TTK: variants seen among roughly 807,000 people sequenced by gnomAD.
TTK encodes TTK protein kinase.
TTK carries 59 observed loss-of-function variants against 117.3 expected under a neutral mutation model. The observed-to-expected ratio is 0.50, with a 90% confidence interval of 0.41 to 0.62. TTK has a LOEUF of 0.62. Among genes scored for constraint, TTK ranks in the 20% least tolerant of loss-of-function variants. The pLI is 0.00. For missense variants in TTK, 921 were observed against 989.4 expected (o/e 0.93, Z 0.93); for synonymous variants, 302 against 325.0 (o/e 0.93, Z 0.76).
At chr6:80,006,617 A>G (rs1562009300) in intron 2 of TTK, among the ~76,000 whole-genome samples, 1 of 152,170 alleles carries the variant, frequency 6.6e-6, no homozygotes, top group Non-Finnish European at 1.5e-5. Flanking sequence ...CTACATTGTA[A>G]TGCATGCTGG....
chr6:80,027,294 G>A (rs530267135), intron 12 of TTK, among the ~76,000 whole-genome samples: 1 of 152,152 alleles, frequency 6.6e-6, no homozygotes, highest in South Asian at 2.1e-4. Context: ...TTTATTATAT[G>A]TAGAATATTC....
At chr6:80,009,747 T>C (rs1767093825) in intron 4 of TTK, among the ~76,000 whole-genome samples, 1 of 152,084 alleles carries the variant, frequency 6.6e-6, no homozygotes, top group Non-Finnish European at 1.5e-5. Flanking sequence ...TATGATTATT[T>C]TGAGCACAGT....
At chr6:80,028,329 A>AT (rs1273916027) in intron 13 of TTK, among the ~76,000 whole-genome samples, 1 of 107,816 alleles carries the variant, frequency 9.3e-6, no homozygotes, top group Non-Finnish European at 1.9e-5. Flanking sequence ...TTATTTATTT[A>AT]TTTTTTGAGA....
intron 3 of TTK, 99 bp from the exon 4 acceptor site, chr6:80,008,287 A>G (rs1438962612): frequency 8.3e-7 from 1 of 1,199,322 alleles, no homozygotes; most frequent in South Asian, 1.4e-5. Context: ...CACAGAAAAA[A>G]GCAATATCCC....
intron 14 of TTK, 130 bp downstream of exon 14, chr6:80,031,689 T>C: frequency 1.9e-6 from 1 of 532,076 alleles, no homozygotes; most frequent in South Asian, 3.5e-5. Context: ...CAAAAAGCCA[T>C]CTTAACACCT....
chr6:80,024,303 C>T (rs1582101633), intron 11 of TTK, among the ~76,000 whole-genome samples: 1 of 152,174 alleles, frequency 6.6e-6, no homozygotes, highest in East Asian at 1.9e-4. Context: ...AATATTTGTA[C>T]ATAAATATTC....
chr6:80,026,492 A>C lies in TTK; in HGVS notation c.1372A>C (p.Thr458Pro), dbSNP rs370218926. The C allele has an allele frequency of 1.2e-6, 2 of 1,613,662 alleles. No individual in the cohort carries two copies. The highest frequency in any genetic ancestry group is 2.7e-5 in the African/African-American group (2 of 74,890). ...KSICKTPSSN[T>P]LDDYMSCFRT... Reference sequence around the variant, plus strand: ...TATTTGTAAGACACCAAGCAGCAATACCTTGGATGATTACATGAGCTGGTA... The same window carrying C: ...TATTTGTAAGACACCAAGCAGCAATCCCTTGGATGATTACATGAGCTGGTA... Residue 458 changes from threonine (T) to proline (P), a missense_variant, in exon 12 of 22, where the codon ACC (threonine) becomes CCC (proline). Coordinates refer to ENST00000369798, the MANE Select transcript of TTK (RefSeq NM_003318.5).
In TTK at chr6:80,035,077, G is replaced by T; in HGVS notation, c.1707G>T (p.Arg569=). The change falls in exon 15 of 22, where the codon CGG becomes CGT. Residue 569 remains arginine (R), a synonymous_variant. Coordinates refer to ENST00000369798, the MANE Select transcript of TTK (RefSeq NM_003318.5). The part of the protein sequence containing the change: ...EADNQTLDSY[R]NEIAYLNKLQ... ...ATAACCAAACTCTTGATAGTTACCG[G>T]AACGAAATAGCTTATTTGAATAAAC... is the stretch of plus-strand genomic sequence containing the variant. The T allele has an allele frequency of 6.2e-7, 1 of 1,604,336 alleles. No homozygotes were observed. Among genetic ancestry groups the T allele is most frequent in the South Asian group, 1.1e-5 (1 of 88,370 alleles).
intron 18 of TTK, among the ~76,000 whole-genome samples, chr6:80,038,870 A>C (rs1290605495): frequency 6.6e-6 from 1 of 151,962 alleles, no homozygotes; most frequent in Admixed American, 6.6e-5. Context: ...TATCAACTCT[A>C]TTTTCATTTG....
chr6:80,013,455 A>G, intron 9 of TTK, 89 bp downstream of exon 9: 1 of 1,076,924 alleles, frequency 9.3e-7, no homozygotes, highest in Non-Finnish European at 1.4e-6. Context: ...GAAAGGGTTT[A>G]TAAATAGTTC....
intron 10 of TTK, among the ~76,000 whole-genome samples, chr6:80,018,475 T>A (rs916637500): frequency 6.6e-6 from 1 of 150,616 alleles, no homozygotes; most frequent in African/African-American, 2.4e-5. Flanking sequence ...AAAAAAAAAA[T>A]TAGCCGGGTG....
At chr6:80,033,291 C>T (rs959259031) in intron 14 of TTK, among the ~76,000 whole-genome samples, 10 of 152,178 alleles carry the variant, frequency 6.6e-5, no homozygotes, top group African/African-American at 2.2e-4. Context: ...ATCCTATTTT[C>T]CTCTAGATAT....
At chr6:80,039,045 T>C (rs2127684434) in intron 18 of TTK, among the ~76,000 whole-genome samples, 1 of 152,236 alleles carries the variant, frequency 6.6e-6, no homozygotes, top group East Asian at 1.9e-4. Flanking sequence ...CTTCAAGATA[T>C]GTTAAAGGTA....
At chr6:80,023,241 C>A (rs572698195) in intron 11 of TTK, among the ~76,000 whole-genome samples, 1 of 152,282 alleles carries the variant, frequency 6.6e-6, no homozygotes, top group African/African-American at 2.4e-5. Context: ...ATATCTATCT[C>A]TATTTACTAT....
chr6:80,027,553 TA>T (rs943404259), intron 12 of TTK, among the ~76,000 whole-genome samples: 4 of 151,650 alleles, frequency 2.6e-5, no homozygotes, highest in South Asian at 2.1e-4. Flanking sequence ...CATTATTGTT[TA>T]AAAAAAAACT....
chr6:80,026,617 T>G (rs1299254736), intron 12 of TTK, 103 bp downstream of exon 12: 13 of 1,478,548 alleles, frequency 8.8e-6, no homozygotes, highest in Non-Finnish European at 1.2e-5. Context: ...TCTTTTACTT[T>G]AAAGACTTTC....
At chr6:80,017,544 G>T (rs1176517378) in intron 10 of TTK, among the ~76,000 whole-genome samples, 2 of 152,162 alleles carry the variant, frequency 1.3e-5, no homozygotes, top group African/African-American at 4.8e-5. Context: ...TTCCCAAAGT[G>T]CTGGGATTAC....
chr6:80,005,954 C>G lies in TTK; in HGVS notation c.111C>G (p.Ser37Arg), dbSNP rs754548500. The change falls in exon 2 of 22, where the codon AGC (serine) becomes AGG (arginine). Residue 37 changes from serine to arginine, a missense_variant. Ser to Arg is a moderately radical substitution (Grantham distance 110). Transcript: ENST00000369798. ...ATGAAGACCTTACTGATGAACTAAG[C>G]TTGAATAAAATTTCTGCTGATACTA... The part of the protein sequence containing the change: ...FKNEDLTDEL[S>R]LNKISADTTD... 104 of 1,608,412 alleles carry G rather than the reference C, an allele frequency of 6.5e-5. No individual in the cohort carries two copies. Among genetic ancestry groups the G allele is most frequent in the Non-Finnish European group, 8.7e-5 (103 of 1,178,638 alleles).
chr6:80,033,398 GT>G (rs1236932116), intron 14 of TTK, among the ~76,000 whole-genome samples: 5 of 152,062 alleles, frequency 3.3e-5, no homozygotes, highest in Admixed American at 2.6e-4. Context: ...CCACCGGTTT[GT>G]TTTTCTCTGT....
Sources: allele counts gnomAD v4.1 joint callset (sites outside exome capture counted in the v4.1 genomes callset), GRCh38; gene constraint gnomAD v4.1.1; transcripts MANE v1.5; gene names NCBI Gene and HGNC (gene_info 2026-07-23, HGNC 2026-07-21).